The following PDXDC1 variants were observed in gnomAD, a reference collection of about 807,000 sequenced individuals.
PDXDC1 encodes the protein pyridoxal dependent decarboxylase domain containing 1.
In PDXDC1, 42 loss-of-function variants were observed where a neutral mutation model predicts 100.1. The ratio of observed to expected loss-of-function variants is 0.42; its 90% CI spans 0.33 to 0.54. The LOEUF (loss-of-function observed/expected upper bound fraction) is 0.54. Among genes scored for constraint, PDXDC1 ranks in the 20% least tolerant of loss-of-function variants. The pLI is 0.10. For missense variants in PDXDC1, 636 were observed against 979.2 expected, an observed-to-expected ratio of 0.65 and a Z score of 4.68; for synonymous variants, 260 against 371.7, an observed-to-expected ratio of 0.70 and a Z score of 3.46.
downstream of PDXDC1, among the ~76,000 whole-genome samples, chr16:15,143,614 G>A (rs2048508083): frequency 1.3e-5 from 2 of 152,208 alleles, no homozygotes; most frequent in African/African-American, 4.8e-5. Context: ...AGGCTGGCAG[G>A]GCCCGGGAAG....
intron 1 of PDXDC1, among the ~76,000 whole-genome samples, chr16:14,975,937 C>T (rs1253781476): frequency 6.6e-6 from 1 of 152,306 alleles, no homozygotes; most frequent in Non-Finnish European, 1.5e-5. Flanking sequence ...AGCTGCTCCA[C>T]AACTTCCTGG....
At chr16:15,123,607 C>T in intron 16 of PDXDC1, 2 of 630,058 alleles carry the variant, frequency 3.2e-6, no homozygotes, top group Middle Eastern at 4.0e-4. Flanking sequence ...TCATTTTAAG[C>T]ATGCATGGTA....
intron 16 of PDXDC1, chr16:15,128,506 C>T (rs2047878042): frequency 2.4e-5 from 16 of 668,676 alleles, no homozygotes; most frequent in East Asian, 1.1e-4. Context: ...CAGGCAGTCC[C>T]GGCTTTGCAC....
At chr16:15,092,112 G>A (rs2046155845) in intron 16 of PDXDC1, among the ~76,000 whole-genome samples, 1 of 152,176 alleles carries the variant, frequency 6.6e-6, no homozygotes, top group Non-Finnish European at 1.5e-5. Context: ...CTGGGAGGTG[G>A]AGGATGCAGT....
At chr16:15,034,889 T>C (rs1291993784) in intron 21 of PDXDC1, among the ~76,000 whole-genome samples, 1 of 152,196 alleles carries the variant, frequency 6.6e-6, no homozygotes, top group East Asian at 1.9e-4. Flanking sequence ...TTCATGTGTG[T>C]TCTGCCCCAG....
intron 1 of PDXDC1, among the ~76,000 whole-genome samples, chr16:14,984,122 C>T (rs1321006296): frequency 2.0e-5 from 3 of 152,128 alleles, no homozygotes; most frequent in South Asian, 2.1e-4. Context: ...ACGATAGTGC[C>T]GCTGCACTTG....
At chr16:15,104,640 T>C (rs532454621) in intron 16 of PDXDC1, 2 of 1,598,168 alleles carry the variant, frequency 1.3e-6, no homozygotes, top group African/African-American at 1.3e-5. Flanking sequence ...AGTTATAGAA[T>C]GTTGTTGAGT....
rs1260835881 is a variant in PDXDC1, at chr16:15,016,071, G to A, written c.728-58G>A. 9 of 1,612,962 alleles carry A rather than the reference G, an allele frequency of 5.6e-6. No homozygotes were observed. The East Asian group carries it at 8.9e-5, about 16-fold the overall frequency. ...CGATAATGTGTATAAAAGTGTTTAA[G>A]GTATAAAGCCTTAGAAAACATTTGT... On this transcript the variant is annotated intron_variant, in intron 8 of 22. Coordinates refer to ENST00000396410, the MANE Select transcript of PDXDC1 (RefSeq NM_015027.4).
intron 6 of PDXDC1, among the ~76,000 whole-genome samples, chr16:15,007,029 T>A (rs1482121177): frequency 6.6e-6 from 1 of 152,290 alleles, no homozygotes; most frequent in African/African-American, 2.4e-5. Context: ...CATTTTCAGG[T>A]AATGTTCTTT....
At chr16:15,040,356 C>G (rs992868928), downstream of PDXDC1, 2 of 362,968 alleles carry the variant, frequency 5.5e-6, no homozygotes, top group African/African-American at 4.2e-5. Flanking sequence ...GTAGCAAAAC[C>G]TCTGGTCATC....
downstream of PDXDC1, among the ~76,000 whole-genome samples, chr16:15,039,506 C>T (rs564049230): frequency 2.6e-5 from 4 of 152,220 alleles, no homozygotes; most frequent in African/African-American, 9.6e-5. Flanking sequence ...TAATTAAGCA[C>T]CCTAAGGGAA....
downstream of PDXDC1, among the ~76,000 whole-genome samples, chr16:15,142,271 G>T (rs1343234090): frequency 6.6e-6 from 1 of 151,940 alleles, no homozygotes; most frequent in Non-Finnish European, 1.5e-5. Context: ...CTGTGAACCA[G>T]GCCTGGGGGT....
At position 15,003,855 on chromosome 16, in the gene PDXDC1, G is replaced by A. The variant is rs560535842; in HGVS notation, c.243-332G>A. ...AAAAATTAGCCGGGCTTGGTGGTGC[G>A]CGCCTGTAATTCCAGCTACTCGGGA... On this transcript the variant is annotated intron_variant, in intron 4 of 22. Transcript: ENST00000396410. Among the ~76,000 whole-genome samples, 96 of 152,322 alleles carry A rather than the reference G, an allele frequency of 6.3e-4. 1 individual carries two copies. Among genetic ancestry groups the A allele is most frequent in the South Asian group, 4.1e-3 (20 of 4,822 alleles).
At chr16:15,148,917 C>T in the PDXDC1 span, among the ~76,000 whole-genome samples, 2 of 152,164 alleles carry the variant, frequency 1.3e-5, no homozygotes, top group African/African-American at 4.8e-5. Flanking sequence ...ACTTCTTGTC[C>T]ACATTTTTGT....
At chr16:14,999,309 C>T (rs547613477) in intron 3 of PDXDC1, among the ~76,000 whole-genome samples, 22 of 152,358 alleles carry the variant, frequency 1.4e-4, no homozygotes, top group Admixed American at 6.5e-4. Flanking sequence ...TCAGGTGATC[C>T]GCCTGCCTTA....
chr16:15,096,805 G>A (rs1392352885), intron 16 of PDXDC1, among the ~76,000 whole-genome samples: 1 of 152,120 alleles, frequency 6.6e-6, no homozygotes, highest in Non-Finnish European at 1.5e-5. Flanking sequence ...CACCTCAGCC[G>A]CCCGAACCCA....
chr16:14,974,786 G>A (rs1966525854), upstream of PDXDC1: 3 of 1,535,492 alleles, frequency 2.0e-6, no homozygotes, highest in Non-Finnish European at 2.6e-6. Context: ...AGACTTGGAA[G>A]CCTGGGCCCG....
At chr16:15,070,410 A>C (rs1002462193) in intron 16 of PDXDC1, among the ~76,000 whole-genome samples, 2 of 151,730 alleles carry the variant, frequency 1.3e-5, no homozygotes, top group African/African-American at 2.4e-5. Flanking sequence ...CAAAGAAAGG[A>C]AGGATAAGGA....
chr16:15,067,027 C>A (rs1264656653), intron 16 of PDXDC1, among the ~76,000 whole-genome samples: 13 of 148,336 alleles, frequency 8.8e-5, no homozygotes, highest in African/African-American at 3.2e-4. Flanking sequence ...ACTCTTTGAG[C>A]TGCTCACCAT....
Sources: gnomAD v4.1 joint callset for allele counts (sites outside exome capture counted in the v4.1 genomes callset) on GRCh38, gnomAD v4.1.1 for gene constraint, MANE v1.5 for transcripts, NCBI Gene and HGNC (gene_info 2026-07-23, HGNC 2026-07-21) for gene names.